The following FRMD4A variants were observed in gnomAD, a reference collection of about 807,000 sequenced individuals.
FRMD4A encodes FERM domain containing 4A.
FRMD4A carries 29 observed loss-of-function variants against 129.1 expected under a neutral mutation model. That is an observed-to-expected ratio of 0.22 (90% CI 0.17 to 0.31). The LOEUF (loss-of-function observed/expected upper bound fraction) is 0.31. Among genes scored for constraint, FRMD4A ranks in the 10% least tolerant of loss-of-function variants. The pLI, the probability that FRMD4A is intolerant of heterozygous loss-of-function variation, is 1.00. For missense variants in FRMD4A, 1,272 were observed against 1,375.8 expected (o/e 0.92, Z 1.19); for synonymous variants, 634 against 571.6 (o/e 1.11, Z -1.56).
chr10:14,107,513 T>C (rs978283053), intron 2 of FRMD4A, among the ~76,000 whole-genome samples: 8 of 152,236 alleles, frequency 5.3e-5, no homozygotes, highest in Admixed American at 2.0e-4. Flanking sequence ...TATATCATTC[T>C]AAATCTCTGA....
intron 8 of FRMD4A, among the ~76,000 whole-genome samples, chr10:13,750,662 A>G (rs78621933): frequency 0.054 from 8,218 of 152,282 alleles, 316 homozygotes; most frequent in Non-Finnish European, 0.085. Flanking sequence ...TCAGAGTAAG[A>G]GGAATGTCAG....
intron 2 of FRMD4A, among the ~76,000 whole-genome samples, chr10:14,171,073 CAGA>C (rs1394912604): frequency 3.3e-5 from 5 of 150,810 alleles, no homozygotes; most frequent in Non-Finnish European, 7.4e-5. Flanking sequence ...AAGCAGGGCT[CAGA>C]AGATTAGATG....
intron 12 of FRMD4A, among the ~76,000 whole-genome samples, chr10:13,734,166 C>T (rs767805305): frequency 3.6e-4 from 55 of 152,150 alleles, no homozygotes; most frequent in Admixed American, 2.4e-3. Context: ...CTCCCTCTTC[C>T]GCCTACAGGT....
intron 16 of FRMD4A, 99 bp from the exon 17 acceptor site, chr10:13,670,627 G>T: frequency 8.5e-7 from 1 of 1,173,962 alleles, no homozygotes; most frequent in Non-Finnish European, 1.2e-6. Flanking sequence ...ACACAAAAAT[G>T]CACGCATGCA....
intron 2 of FRMD4A, among the ~76,000 whole-genome samples, chr10:14,184,186 C>T (rs1380561742): frequency 3.0e-5 from 4 of 133,374 alleles, no homozygotes; most frequent in Admixed American, 8.2e-5. Flanking sequence ...GGCTGGAGCG[C>T]GGTGGTGCCA....
chr10:13,964,852 A>AT (rs1252102235), intron 2 of FRMD4A, among the ~76,000 whole-genome samples: 1 of 151,548 alleles, frequency 6.6e-6, no homozygotes, highest in Non-Finnish European at 1.5e-5. Context: ...CAGCCAGCTG[A>AT]TTTTTGTATT....
At chr10:13,938,683 T>G (rs892263899) in intron 2 of FRMD4A, among the ~76,000 whole-genome samples, 1 of 152,230 alleles carries the variant, frequency 6.6e-6, no homozygotes, top group African/African-American at 2.4e-5. Flanking sequence ...GATCCTCCAC[T>G]AGGGGTGATT....
chr10:13,811,371 G>A (rs183339751), intron 3 of FRMD4A, among the ~76,000 whole-genome samples: 168 of 150,026 alleles, frequency 1.1e-3, no homozygotes, highest in African/African-American at 4.1e-3. Flanking sequence ...GGCTTCAAGT[G>A]ATCCACCTGC....
At chr10:13,964,680 T>TC (rs1296372331) in intron 2 of FRMD4A, among the ~76,000 whole-genome samples, 4 of 151,324 alleles carry the variant, frequency 2.6e-5, no homozygotes, top group Admixed American at 2.6e-4. Flanking sequence ...TTTTGTTTTT[T>TC]TTTTTTTTTT....
chr10:13,810,940 G>A, intron 3 of FRMD4A, 32 bp from the exon 4 acceptor site: 1 of 1,114,678 alleles, frequency 9.0e-7, no homozygotes, highest in South Asian at 1.3e-5. Context: ...AGAAGGGTAA[G>A]TGATGAGAGA....
intron 3 of FRMD4A, among the ~76,000 whole-genome samples, chr10:13,832,105 A>AC (rs1341025891): frequency 6.6e-6 from 1 of 152,110 alleles, no homozygotes; most frequent in African/African-American, 2.4e-5. Flanking sequence ...GATCAATTAC[A>AC]CCAGCAGAAC....
At chr10:14,266,461 T>G (rs560422959) in intron 2 of FRMD4A, among the ~76,000 whole-genome samples, 2 of 152,236 alleles carry the variant, frequency 1.3e-5, no homozygotes, top group East Asian at 3.9e-4. Context: ...TCATTTCTGC[T>G]TCATTTGATG....
chr10:13,965,078 T>TC (rs200109909), intron 2 of FRMD4A, among the ~76,000 whole-genome samples: 1,680 of 151,900 alleles, frequency 0.011, 41 homozygotes, highest in African/African-American at 0.039. Context: ...TTTTTTTTTT[T>TC]TTTGAATTCA....
At chr10:14,319,160 T>C (rs1326176225) in intron 2 of FRMD4A, among the ~76,000 whole-genome samples, 1 of 152,128 alleles carries the variant, frequency 6.6e-6, no homozygotes, top group East Asian at 1.9e-4. Flanking sequence ...AGTTGTTGAA[T>C]CACCCCAGCC....
intron 2 of FRMD4A, among the ~76,000 whole-genome samples, chr10:14,134,542 G>A (rs923843340): frequency 1.2e-4 from 18 of 151,508 alleles, no homozygotes; most frequent in Non-Finnish European, 1.9e-4. Context: ...AAGATGGAGG[G>A]ATTGGTGAAA....
chr10:13,798,703 C>G (rs2091578), intron 4 of FRMD4A, among the ~76,000 whole-genome samples: 2 of 152,154 alleles, frequency 1.3e-5, no homozygotes, highest in African/African-American at 2.4e-5. Context: ...GGTGACAGAG[C>G]GAGACTCCGT....
chr10:13,939,425 C>T (rs1278118069), intron 2 of FRMD4A, among the ~76,000 whole-genome samples: 1 of 152,132 alleles, frequency 6.6e-6, no homozygotes, highest in Non-Finnish European at 1.5e-5. Context: ...AGCATAACTG[C>T]CAATGCTTGA....
At chr10:13,713,961 A>T (rs1315148322) in intron 12 of FRMD4A, among the ~76,000 whole-genome samples, 1 of 124,578 alleles carries the variant, frequency 8.0e-6, no homozygotes, top group African/African-American at 2.9e-5. Context: ...ACACACATAT[A>T]TAATATATAC....
chr10:14,024,565 C>G (rs906265403), intron 2 of FRMD4A, among the ~76,000 whole-genome samples: 5 of 152,224 alleles, frequency 3.3e-5, no homozygotes, highest in African/African-American at 4.8e-5. Context: ...GAAAGCAGAA[C>G]ATCGCAGGCT....
Sources: gnomAD v4.1 joint callset for allele counts (sites outside exome capture counted in the v4.1 genomes callset) on GRCh38, gnomAD v4.1.1 for gene constraint, MANE v1.5 for transcripts, NCBI Gene and HGNC (gene_info 2026-07-23, HGNC 2026-07-21) for gene names.